Variants in ELMO1 observed in about 807,000 individuals in gnomAD.
The protein encoded by ELMO1 is engulfment and cell motility protein 1.
ELMO1 carries 26 observed loss-of-function variants against 98.9 expected under a neutral mutation model. The ratio of observed to expected loss-of-function variants is 0.26; its 90% CI spans 0.19 to 0.36. The LOEUF (loss-of-function observed/expected upper bound fraction) is 0.36. ELMO1 is among the 10% of genes least tolerant of loss of function. The pLI, the probability that ELMO1 is intolerant of heterozygous loss-of-function variation, is 1.00. For synonymous variants in ELMO1, 346 were observed against 346.0 expected (o/e 1.00, Z 0.00); for missense variants, 627 against 935.2 (o/e 0.67, Z 4.30).
At chr7:37,170,401 G>C (rs973823680) in intron 13 of ELMO1, among the ~76,000 whole-genome samples, 1 of 152,140 alleles carries the variant, frequency 6.6e-6, no homozygotes. Context: ...AGATATACCA[G>C]AGCAGTTACT....
Position 37,267,451 on chromosome 7 carries a change from C to CGT in ELMO1, c.243+4379_243+4380dup, listed in dbSNP as rs1239801028. Among the ~76,000 whole-genome samples the CGT allele has an allele frequency of 2.5e-4, 38 of 152,120 alleles. 1 individual carries two copies. The highest frequency in any genetic ancestry group is 4.3e-4 in the African/African-American group (18 of 41,512). On this transcript the variant is annotated intron_variant, in intron 5 of 21. Transcript: ENST00000310758. ...ATAGCCATGCTTGGGCGCGCGCACGCGTGTGTGTGTGTGTTCATCCTGCAG... is the reference window on the plus strand; with the variant it reads ...ATAGCCATGCTTGGGCGCGCGCACGCGTGTGTGTGTGTGTGTTCATCCTGCAG...
intron 2 of ELMO1, among the ~76,000 whole-genome samples, chr7:37,333,698 T>G (rs529426723): frequency 1.4e-4 from 22 of 152,308 alleles, no homozygotes; most frequent in African/African-American, 5.3e-4. Flanking sequence ...TTAAAGGAAG[T>G]TTAAGAAATA....
intron 2 of ELMO1, among the ~76,000 whole-genome samples, chr7:37,336,382 G>A (rs1321466154): frequency 1.3e-5 from 2 of 152,200 alleles, no homozygotes; most frequent in African/African-American, 4.8e-5. Flanking sequence ...TTAGAGAGGG[G>A]AACCATATAT....
At chr7:37,222,106 T>C (rs1422384418) in intron 10 of ELMO1, among the ~76,000 whole-genome samples, 1 of 152,222 alleles carries the variant, frequency 6.6e-6, no homozygotes, top group Non-Finnish European at 1.5e-5. Context: ...CGAATGCAGT[T>C]ATCTCCACAA....
chr7:37,375,557 T>C, intron 1 of ELMO1: 3 of 1,077,950 alleles, frequency 2.8e-6, no homozygotes, highest in South Asian at 2.6e-5. Flanking sequence ...TTGCCATTTA[T>C]AAACTCCTTT....
At chr7:37,065,512 T>A (rs899326800) in intron 15 of ELMO1, among the ~76,000 whole-genome samples, 2 of 152,074 alleles carry the variant, frequency 1.3e-5, no homozygotes, top group African/African-American at 4.8e-5. Flanking sequence ...CCCCCTCAAG[T>A]CACTCCTTCA....
intron 16 of ELMO1, among the ~76,000 whole-genome samples, chr7:36,960,174 A>G (rs1788820325): frequency 6.6e-6 from 1 of 152,176 alleles, no homozygotes; most frequent in South Asian, 2.1e-4. Context: ...TTGGGTACTC[A>G]CTTTCCTGTG....
At chr7:36,869,463 C>T (rs1292433420) in intron 20 of ELMO1, among the ~76,000 whole-genome samples, 2 of 152,134 alleles carry the variant, frequency 1.3e-5, no homozygotes, top group Non-Finnish European at 1.5e-5. Context: ...TTTATTTTAA[C>T]GCTGATTGGT....
intron 1 of ELMO1, among the ~76,000 whole-genome samples, chr7:37,431,341 A>AT (rs1411823766): frequency 4.7e-5 from 2 of 42,370 alleles, no homozygotes; most frequent in African/African-American, 1.3e-4. Context: ...TGTCTCTAAA[A>AT]TAAAAAAAAA....
intron 16 of ELMO1, among the ~76,000 whole-genome samples, chr7:36,994,700 G>A (rs1792087312): frequency 6.6e-6 from 1 of 152,232 alleles, no homozygotes; most frequent in South Asian, 2.1e-4. Flanking sequence ...ACCCCTTTCA[G>A]AAATCCATTT....
At chr7:37,092,535 T>C (rs369887578) in intron 15 of ELMO1, among the ~76,000 whole-genome samples, 72 of 151,890 alleles carry the variant, frequency 4.7e-4, no homozygotes, top group Non-Finnish European at 7.8e-4. Flanking sequence ...CCCGCCACCA[T>C]GCCCGGCTAA....
chr7:37,338,501 CTGT>C (rs1391806325), intron 2 of ELMO1, among the ~76,000 whole-genome samples: 1 of 152,148 alleles, frequency 6.6e-6, no homozygotes, highest in Admixed American at 6.5e-5. Flanking sequence ...CAATAAATTT[CTGT>C]TGTTCATAAA....
chr7:36,891,364 G>A (rs1760058973), intron 17 of ELMO1, among the ~76,000 whole-genome samples: 2 of 152,198 alleles, frequency 1.3e-5, no homozygotes, highest in Non-Finnish European at 2.9e-5. Flanking sequence ...TGTCCCCCTT[G>A]CATTGGTTAT....
intron 16 of ELMO1, among the ~76,000 whole-genome samples, chr7:36,948,365 GAGA>G (rs559561189): frequency 6.6e-6 from 1 of 152,166 alleles, no homozygotes; most frequent in Non-Finnish European, 1.5e-5. Flanking sequence ...CCGGAGTAAG[GAGA>G]AGATTTCACA....
chr7:36,912,789 T>G (rs568755411), intron 16 of ELMO1, among the ~76,000 whole-genome samples: 2 of 152,348 alleles, frequency 1.3e-5, no homozygotes, highest in South Asian at 4.1e-4. Flanking sequence ...CTCTGTAAAC[T>G]GAAGATAATA....
intron 18 of ELMO1, among the ~76,000 whole-genome samples, chr7:36,886,901 T>C (rs1805055125): frequency 6.6e-6 from 1 of 152,244 alleles, no homozygotes; most frequent in South Asian, 2.1e-4. Context: ...CTGTTACTTA[T>C]ATCCACATAT....
At chr7:36,948,408 C>A (rs1288642449) in intron 16 of ELMO1, among the ~76,000 whole-genome samples, 1 of 152,182 alleles carries the variant, frequency 6.6e-6, no homozygotes, top group Non-Finnish European at 1.5e-5. Context: ...ATGCACCAGG[C>A]ACTTGGCATA....
chr7:36,948,726 T>C (rs1226382848), intron 16 of ELMO1, among the ~76,000 whole-genome samples: 1 of 152,238 alleles, frequency 6.6e-6, no homozygotes, highest in Admixed American at 6.5e-5. Context: ...CAGTTCTCAC[T>C]GTTCCTAAAT....
chr7:36,941,422 A>G (rs1043567126), intron 16 of ELMO1, among the ~76,000 whole-genome samples: 3 of 152,248 alleles, frequency 2.0e-5, no homozygotes, highest in African/African-American at 7.2e-5. Flanking sequence ...GGCAGAAGAA[A>G]GAAAGGGAGT....
Sources: allele counts gnomAD v4.1 joint callset (sites outside exome capture counted in the v4.1 genomes callset), GRCh38; gene constraint gnomAD v4.1.1; transcripts MANE v1.5; gene names NCBI Gene and HGNC (gene_info 2026-07-23, HGNC 2026-07-21).